PLCB4: variants seen among roughly 807,000 people sequenced by gnomAD.
PLCB4 encodes phospholipase C beta 4.
In PLCB4, 77 loss-of-function variants were observed where a neutral mutation model predicts 178.8. The ratio of observed to expected loss-of-function variants is 0.43; its 90% CI spans 0.36 to 0.52. PLCB4 has a LOEUF of 0.52. PLCB4 is among the 20% of genes least tolerant of loss of function. The pLI is 0.00. For synonymous variants in PLCB4, 496 were observed against 490.8 expected (o/e 1.01, Z -0.14); for missense variants, 1,024 against 1,453.4 (o/e 0.70, Z 4.80).
At chr20:9,229,615 T>A (rs1176152137) in intron 3 of PLCB4, among the ~76,000 whole-genome samples, 2 of 151,818 alleles carry the variant, frequency 1.3e-5, no homozygotes, top group East Asian at 1.9e-4. Flanking sequence ...GTGGTGAACT[T>A]ATTTTTTTTT....
At chr20:9,200,907 A>G (rs1005611224) in intron 2 of PLCB4, among the ~76,000 whole-genome samples, 6 of 152,296 alleles carry the variant, frequency 3.9e-5, no homozygotes, top group African/African-American at 1.4e-4. Flanking sequence ...TTGAATGAGT[A>G]AAATAACTAT....
At chr20:9,445,135 C>T (rs1475665826) in intron 32 of PLCB4, among the ~76,000 whole-genome samples, 3 of 152,168 alleles carry the variant, frequency 2.0e-5, no homozygotes, top group Admixed American at 6.5e-5. Flanking sequence ...GGTTGAAAAA[C>T]GTCATGGCCC....
intron 2 of PLCB4, among the ~76,000 whole-genome samples, chr20:9,101,530 A>G (rs992187963): frequency 2.0e-5 from 3 of 152,196 alleles, no homozygotes; most frequent in Non-Finnish European, 4.4e-5. Flanking sequence ...ATGAGGTTCT[A>G]TTATGTTAAC....
intron 2 of PLCB4, among the ~76,000 whole-genome samples, chr20:9,189,923 A>G (rs1250915915): frequency 6.6e-6 from 1 of 152,162 alleles, no homozygotes; most frequent in South Asian, 2.1e-4. Flanking sequence ...AGGTGTCAAC[A>G]TGAATTTTGG....
At chr20:9,369,559 T>C (rs2036066924) in intron 9 of PLCB4, among the ~76,000 whole-genome samples, 1 of 152,234 alleles carries the variant, frequency 6.6e-6, no homozygotes, top group African/African-American at 2.4e-5. Flanking sequence ...TATTTGTAGA[T>C]TTGTTAAAGA....
chr20:9,312,190 A>G (rs571661170), intron 4 of PLCB4, among the ~76,000 whole-genome samples: 2 of 152,222 alleles, frequency 1.3e-5, no homozygotes, highest in East Asian at 1.9e-4. Flanking sequence ...CACCTCAGCC[A>G]CTGACCTCGT....
At chr20:9,362,850 C>A in intron 7 of PLCB4, 46 bp from the exon 8 acceptor site, 1 of 1,250,482 alleles carries the variant, frequency 8.0e-7, no homozygotes, top group Non-Finnish European at 1.2e-6. Flanking sequence ...CTCTATTTGA[C>A]TCCAGCAGAT....
intron 11 of PLCB4, among the ~76,000 whole-genome samples, 188 bp from the exon 12 acceptor site, chr20:9,372,859 G>A (rs987896790): frequency 2.0e-4 from 30 of 148,254 alleles, no homozygotes; most frequent in Admixed American, 1.9e-3. Flanking sequence ...TTTTCCTTCT[G>A]TTGTTGTTGT....
At position 9,342,670 on chromosome 20, in the gene PLCB4, T is replaced by C. The variant is rs563048754; in HGVS notation, c.369+3633T>C. ...TATGTTTTGGGGTTTTTTTTTTTTT[T>C]CCCCCTGTACTTTACTCTGAATGCC... On this transcript the variant is annotated intron_variant, in intron 7 of 39. Coordinates refer to ENST00000378473, the MANE Select transcript of PLCB4 (RefSeq NM_001377142.1). Among the ~76,000 whole-genome samples, 37 of 151,346 alleles carry C rather than the reference T, an allele frequency of 2.4e-4. 1 individual carries two copies. The highest frequency in any genetic ancestry group is 1.9e-3 in the East Asian group (10 of 5,148).
chr20:9,182,306 A>G (rs558205058), intron 2 of PLCB4, among the ~76,000 whole-genome samples: 2 of 152,168 alleles, frequency 1.3e-5, no homozygotes, highest in Non-Finnish European at 2.9e-5. Flanking sequence ...TAGGCTATCA[A>G]TCACCTGCTT....
intron 27 of PLCB4, among the ~76,000 whole-genome samples, chr20:9,423,399 C>T (rs1000480092): frequency 2.8e-4 from 43 of 152,306 alleles, no homozygotes; most frequent in Admixed American, 2.5e-3. Context: ...TCCCAGGCCC[C>T]ACTCTGTCAC....
intron 35 of PLCB4, among the ~76,000 whole-genome samples, chr20:9,467,427 T>G (rs1340163156): frequency 2.0e-5 from 3 of 150,036 alleles, no homozygotes; most frequent in East Asian, 2.1e-4. Context: ...TAAAGTATAA[T>G]AAAAAATAAA....
At chr20:9,119,849 C>T (rs920475335) in intron 2 of PLCB4, among the ~76,000 whole-genome samples, 2 of 152,134 alleles carry the variant, frequency 1.3e-5, no homozygotes, top group African/African-American at 2.4e-5. Context: ...AAACACAAAC[C>T]ACGCTGTTGC....
chr20:9,192,537 T>C (rs1448530678), intron 2 of PLCB4, among the ~76,000 whole-genome samples: 2 of 150,006 alleles, frequency 1.3e-5, no homozygotes, highest in Non-Finnish European at 3.0e-5. Context: ...TCTTTTTTTT[T>C]TTTTTTGAGA....
intron 25 of PLCB4, among the ~76,000 whole-genome samples, chr20:9,417,445 A>G (rs2040332014): frequency 6.6e-6 from 1 of 152,192 alleles, no homozygotes; most frequent in African/African-American, 2.4e-5. Context: ...AAATGAATTT[A>G]TATAACATAT....
intron 2 of PLCB4, among the ~76,000 whole-genome samples, chr20:9,134,312 C>G (rs1203435270): frequency 1.3e-5 from 2 of 152,154 alleles, no homozygotes; most frequent in African/African-American, 2.4e-5. Flanking sequence ...TATTTTCCTT[C>G]TTGGTAATGT....
chr20:9,276,430 C>T (rs145733122), intron 3 of PLCB4, among the ~76,000 whole-genome samples: 68 of 152,076 alleles, frequency 4.5e-4, no homozygotes, highest in African/African-American at 1.5e-3. Context: ...GAGTCTCAGA[C>T]GGGGAGGAAT....
intron 2 of PLCB4, among the ~76,000 whole-genome samples, chr20:9,186,978 T>C (rs1316078274): frequency 6.6e-6 from 1 of 151,958 alleles, no homozygotes; most frequent in East Asian, 1.9e-4. Flanking sequence ...TTTTTACTTA[T>C]TATTATTATT....
At chr20:9,090,855 C>T (rs560787449) in intron 1 of PLCB4, among the ~76,000 whole-genome samples, 2 of 152,154 alleles carry the variant, frequency 1.3e-5, no homozygotes, top group Non-Finnish European at 2.9e-5. Context: ...CAGAAGTTTT[C>T]ATCAACTTCA....
Sources: allele counts gnomAD v4.1 joint callset (sites outside exome capture counted in the v4.1 genomes callset), GRCh38; gene constraint gnomAD v4.1.1; transcripts MANE v1.5; gene names NCBI Gene and HGNC (gene_info 2026-07-23, HGNC 2026-07-21).